DOCK8: variants seen among roughly 807,000 people sequenced by gnomAD.
DOCK8 encodes dedicator of cytokinesis protein 8.
A neutral mutation model predicts 245.6 loss-of-function variants in DOCK8; 141 were observed. That is an observed-to-expected ratio of 0.57 (90% CI 0.50 to 0.66). The LOEUF (loss-of-function observed/expected upper bound fraction) is 0.66, where lower values mean the gene tolerates loss of function less well. Among genes scored for constraint, DOCK8 ranks in the 30% least tolerant of loss-of-function variants. The pLI, the probability that DOCK8 is intolerant of heterozygous loss-of-function variation, is 0.00. For synonymous variants in DOCK8, 1,168 were observed against 970.2 expected, an observed-to-expected ratio of 1.20 and a Z score of -3.79; for missense variants, 2,965 against 2,603.4, an observed-to-expected ratio of 1.14 and a Z score of -3.02.
At chr9:242,233 C>T (rs1423759501) in intron 1 of DOCK8, among the ~76,000 whole-genome samples, 4 of 152,274 alleles carry the variant, frequency 2.6e-5, no homozygotes, top group South Asian at 2.1e-4. Context: ...GTCCACTCCC[C>T]ACCTCACCAC....
At chr9:406,765 C>G (rs554451360) in intron 27 of DOCK8, among the ~76,000 whole-genome samples, 165 bp from the exon 28 acceptor site, 10 of 150,886 alleles carry the variant, frequency 6.6e-5, no homozygotes, top group Non-Finnish European at 1.0e-4. Context: ...GCAGTAACCA[C>G]TCTGTGCCTC....
At chr9:255,625 G>T (rs1042539159) in intron 1 of DOCK8, among the ~76,000 whole-genome samples, 5 of 131,434 alleles carry the variant, frequency 3.8e-5, no homozygotes, top group African/African-American at 3.0e-5. Context: ...CCGAGATCGC[G>T]CCACTGCACT....
At chr9:381,713 A>T (rs752709553) in intron 21 of DOCK8, among the ~76,000 whole-genome samples, 4 of 152,080 alleles carry the variant, frequency 2.6e-5, no homozygotes, top group Non-Finnish European at 5.9e-5. Flanking sequence ...CAATCCTAGC[A>T]CTTTGGGAGG....
intron 43 of DOCK8, 140 bp downstream of exon 43, chr9:443,656 C>G: frequency 1.5e-6 from 1 of 673,826 alleles, no homozygotes; most frequent in Non-Finnish European, 2.6e-6. Context: ...AGTTCAACTA[C>G]TAATTGGTCA....
intron 43 of DOCK8, among the ~76,000 whole-genome samples, chr9:443,901 T>G (rs1179659429): frequency 6.6e-6 from 1 of 152,228 alleles, no homozygotes; most frequent in Non-Finnish European, 1.5e-5. Context: ...GTACTCAGAC[T>G]TGAGGTCTGT....
At chr9:393,306 A>G (rs533349976) in intron 24 of DOCK8, among the ~76,000 whole-genome samples, 1 of 151,544 alleles carries the variant, frequency 6.6e-6, no homozygotes, top group East Asian at 1.9e-4. Flanking sequence ...CAGAATCCCA[A>G]TAATAGTTGG....
chr9:408,653 T>C (rs1031400052), intron 28 of DOCK8, among the ~76,000 whole-genome samples: 5 of 152,234 alleles, frequency 3.3e-5, no homozygotes, highest in Non-Finnish European at 5.9e-5. Flanking sequence ...TGTCCTTTAA[T>C]AGCAGTACTT....
intron 28 of DOCK8, among the ~76,000 whole-genome samples, chr9:409,581 CTTTT>C (rs1182648632): frequency 6.6e-6 from 1 of 151,904 alleles, no homozygotes; most frequent in Non-Finnish European, 1.5e-5. Flanking sequence ...AATCTGGATT[CTTTT>C]TTTATTATTA....
At chr9:322,766 G>T (rs1288544501) in intron 7 of DOCK8, among the ~76,000 whole-genome samples, 1 of 152,162 alleles carries the variant, frequency 6.6e-6, no homozygotes, top group East Asian at 1.9e-4. Flanking sequence ...GATTGAGCAT[G>T]CCAGGCAGCA....
At position 278,907 on chromosome 9, in the gene DOCK8, AC is replaced by A. The variant is rs377011729; in HGVS notation, c.156+7180del. 2.8e-4 allele frequency among the ~76,000 whole-genome samples: 43 copies of A among 152,272 alleles called. No individual in the cohort carries two copies. The East Asian group carries it at 3.1e-3, about 11-fold the overall frequency. On this transcript the variant is annotated intron_variant, in intron 2 of 47. Transcript: ENST00000432829. The stretch of plus-strand genomic sequence containing the variant: ...TGTGAGCATTGAGGTTGGGCGTGGA[AC>A]CATTTGACTTTTTATGAGGATCACT...
chr9:215,339 C>A, intron 1 of DOCK8: 1 of 1,602,316 alleles, frequency 6.2e-7, no homozygotes, highest in Non-Finnish European at 8.5e-7. Flanking sequence ...GTGGCCGGGT[C>A]CCAGAAGGGT....
At position 406,926 on chromosome 9, in the gene DOCK8, G is replaced by A. The variant is rs376525004; in HGVS notation, c.3391-4G>A. ...TCATAAAATGGCTCCTTACGTTTCT[G>A]TAGAACTCAAGCTCCTGCTCCAGCT... On this transcript the variant is annotated splice_region_variant and splice_polypyrimidine_tract_variant and intron_variant, in intron 27 of 47. Transcript: ENST00000432829. 1.9e-6 allele frequency: 3 copies of A among 1,614,020 alleles called. No individual in the cohort carries two copies. In the South Asian group the frequency reaches 3.3e-5, roughly 18 times the overall value.
intron 29 of DOCK8, among the ~76,000 whole-genome samples, chr9:416,269 A>G (rs1057323806): frequency 5.9e-5 from 9 of 152,380 alleles, no homozygotes; most frequent in Admixed American, 5.9e-4. Flanking sequence ...TTTAACATTT[A>G]CAGACATAAT....
At chr9:219,844 C>T (rs2046843837) in intron 1 of DOCK8, among the ~76,000 whole-genome samples, 1 of 152,034 alleles carries the variant, frequency 6.6e-6, no homozygotes, top group Admixed American at 6.5e-5. Context: ...CTGCTGTGAG[C>T]AGTGATTGCG....
At chr9:263,641 T>A (rs74425256) in intron 1 of DOCK8, among the ~76,000 whole-genome samples, 3,961 of 152,326 alleles carry the variant, frequency 0.026, 168 homozygotes, top group African/African-American at 0.087. Context: ...ATGGCTCTGC[T>A]GGTGATAAAT....
chr9:290,163 T>C (rs1246214968), intron 4 of DOCK8, among the ~76,000 whole-genome samples: 1 of 152,194 alleles, frequency 6.6e-6, no homozygotes, highest in East Asian at 1.9e-4. Context: ...ACATAAAGAA[T>C]AGACTGCAAG....
chr9:461,678 A>G (rs1248826202), intron 46 of DOCK8, among the ~76,000 whole-genome samples: 1 of 151,692 alleles, frequency 6.6e-6, no homozygotes, highest in Non-Finnish European at 1.5e-5. Context: ...AATAGCTGGG[A>G]CTGCAGTCAC....
At chr9:286,994 A>G (rs181316574) in intron 3 of DOCK8, among the ~76,000 whole-genome samples, 2 of 152,326 alleles carry the variant, frequency 1.3e-5, no homozygotes, top group African/African-American at 4.8e-5. Context: ...CTCCATTTGT[A>G]AAAATGTCAA....
chr9:249,913 C>G (rs2047608790), intron 1 of DOCK8, among the ~76,000 whole-genome samples: 3 of 152,062 alleles, frequency 2.0e-5, no homozygotes, highest in Non-Finnish European at 4.4e-5. Context: ...CAGGCGTGAA[C>G]TGCTGCACCT....
Sources: allele counts gnomAD v4.1 joint callset (sites outside exome capture counted in the v4.1 genomes callset), GRCh38; gene constraint gnomAD v4.1.1; transcripts MANE v1.5; gene names NCBI Gene and HGNC (gene_info 2026-07-23, HGNC 2026-07-21).